SHISA6: variants seen among roughly 807,000 people sequenced by gnomAD.
The protein encoded by SHISA6 is shisa family member 6, also known as protein shisa-6.
In SHISA6, 22 loss-of-function variants were observed where a neutral mutation model predicts 47.9. The observed-to-expected ratio is 0.46, with a 90% CI of 0.33 to 0.66. The LOEUF (loss-of-function observed/expected upper bound fraction) is 0.66, where lower values mean the gene tolerates loss of function less well. Ranked by LOEUF, SHISA6 falls within the 30% of genes least tolerant of loss-of-function variation. SHISA6 has a pLI of 0.02. For missense variants in SHISA6, 680 were observed against 764.6 expected (o/e 0.89, Z 1.30); for synonymous variants, 388 against 337.8 (o/e 1.15, Z -1.63).
intron 3 of SHISA6, among the ~76,000 whole-genome samples, chr17:11,488,744 C>T (rs1451856307): frequency 1.3e-5 from 2 of 152,182 alleles, no homozygotes; most frequent in Non-Finnish European, 2.9e-5. Flanking sequence ...CAGGCAGAAG[C>T]CCCAGGGCTA....
chr17:11,433,204 T>C (rs990106318), intron 3 of SHISA6, among the ~76,000 whole-genome samples: 2 of 151,688 alleles, frequency 1.3e-5, no homozygotes, highest in Non-Finnish European at 2.9e-5. Flanking sequence ...CTACATCAAA[T>C]GGTTCTTCTA....
chr17:11,251,274 C>T (rs373424031), intron 1 of SHISA6, among the ~76,000 whole-genome samples: 11 of 152,074 alleles, frequency 7.2e-5, no homozygotes, highest in South Asian at 2.1e-4. Flanking sequence ...GGAACCAGAA[C>T]GGCGGCCCCC....
rs1306612197 is a variant in SHISA6, at chr17:11,337,454, A to G, written c.800-41960A>G. 2.0e-5 allele frequency among the ~76,000 whole-genome samples: 3 copies of G among 152,308 alleles called. No individual in the cohort carries two copies. In the East Asian group the frequency reaches 5.8e-4, roughly 29 times the overall value. On this transcript the variant is annotated intron_variant, in intron 2 of 5. Coordinates refer to ENST00000441885, the MANE Select transcript of SHISA6 (RefSeq NM_207386.4). ...GGGCAAAACTCAGAGACACTGAGGC[A>G]GAGATACCTGAGACACTTGATGTGG... is the stretch of plus-strand genomic sequence containing the variant.
intron 3 of SHISA6, among the ~76,000 whole-genome samples, chr17:11,446,823 G>A (rs754353948): frequency 5.3e-5 from 8 of 152,292 alleles, no homozygotes; most frequent in Admixed American, 4.6e-4. Context: ...ATTCTGAGCT[G>A]TGGGTTCTTT....
chr17:11,274,076 G>A (rs1454082417), intron 2 of SHISA6, among the ~76,000 whole-genome samples: 2 of 152,184 alleles, frequency 1.3e-5, no homozygotes, highest in Non-Finnish European at 2.9e-5. Context: ...GATGGGACCA[G>A]CTGTGCCCAA....
intron 3 of SHISA6, among the ~76,000 whole-genome samples, chr17:11,438,956 A>G (rs947335197): frequency 1.3e-5 from 2 of 152,112 alleles, no homozygotes; most frequent in Non-Finnish European, 2.9e-5. Flanking sequence ...GGGGAAGCAG[A>G]GCAAGGATGA....
chr17:11,545,003 C>G (rs1316175284), intron 3 of SHISA6, among the ~76,000 whole-genome samples: 2 of 148,368 alleles, frequency 1.3e-5, no homozygotes, highest in Non-Finnish European at 3.0e-5. Context: ...AACTACCATA[C>G]AACTCAGTAA....
At chr17:11,534,888 G>A (rs777814076) in intron 3 of SHISA6, among the ~76,000 whole-genome samples, 23 of 152,236 alleles carry the variant, frequency 1.5e-4, no homozygotes, top group Non-Finnish European at 2.4e-4. Context: ...CCAGCACTTT[G>A]GGAGGCCAAG....
At chr17:11,281,379 C>G (rs1909116071) in intron 2 of SHISA6, among the ~76,000 whole-genome samples, 1 of 152,116 alleles carries the variant, frequency 6.6e-6, no homozygotes, top group Non-Finnish European at 1.5e-5. Flanking sequence ...TGGATTGGGT[C>G]AAGTGCATCT....
chr17:11,307,288 C>T (rs1036670471), intron 2 of SHISA6, among the ~76,000 whole-genome samples: 1 of 152,142 alleles, frequency 6.6e-6, no homozygotes, highest in Middle Eastern at 3.4e-3. Context: ...ATAACTGTTG[C>T]TTACACAACT....
chr17:11,330,543 A>C (rs2142204125), intron 2 of SHISA6, among the ~76,000 whole-genome samples: 1 of 151,898 alleles, frequency 6.6e-6, no homozygotes, highest in South Asian at 2.1e-4. Flanking sequence ...GACAGGGAAA[A>C]GACTAAAATT....
At chr17:11,404,662 A>G (rs971161325) in intron 3 of SHISA6, among the ~76,000 whole-genome samples, 7 of 152,166 alleles carry the variant, frequency 4.6e-5, no homozygotes, top group African/African-American at 1.7e-4. Context: ...GTAAGAATGG[A>G]AGAACGCCCA....
At chr17:11,394,998 C>CTTTTTTTTTTTTTTTTTTTTTTTTT (rs772109588) in intron 3 of SHISA6, among the ~76,000 whole-genome samples, 1 of 95,102 alleles carries the variant, frequency 1.1e-5, no homozygotes, top group Non-Finnish European at 2.1e-5. Context: ...TTTTTCTTTT[C>CTTTTTTTTTTTTTTTTTTTTTTTTT]TTTTTTTTTT....
intron 3 of SHISA6, among the ~76,000 whole-genome samples, chr17:11,394,260 T>C (rs1012429741): frequency 5.3e-5 from 8 of 152,186 alleles, no homozygotes; most frequent in Non-Finnish European, 8.8e-5. Flanking sequence ...TCAAGAGACC[T>C]GAGAACTTCC....
At chr17:11,457,041 G>A (rs1357809458) in intron 3 of SHISA6, among the ~76,000 whole-genome samples, 1 of 152,088 alleles carries the variant, frequency 6.6e-6, no homozygotes, top group Admixed American at 6.5e-5. Context: ...CTTGATATTG[G>A]GAGATTCTTA....
Position 11,302,880 on chromosome 17 carries a change from C to T in SHISA6, c.799+39354C>T, listed in dbSNP as rs143588492. On this transcript the variant is annotated intron_variant, in intron 2 of 5. Coordinates refer to ENST00000441885, the MANE Select transcript of SHISA6 (RefSeq NM_207386.4). The stretch of plus-strand genomic sequence containing the variant: ...GTCATCCAGGTGGAGAGGAGGGGGG[C>T]GTTTGAAATGAGAGGTTTCTAGATG... Among the ~76,000 whole-genome samples, 187 of 151,308 alleles carry T rather than the reference C, an allele frequency of 1.2e-3. 1 individual carries two copies. Among genetic ancestry groups the T allele is most frequent in the African/African-American group, 4.3e-3 (178 of 41,118 alleles).
chr17:11,555,176 G>A (rs1008011477), intron 4 of SHISA6, among the ~76,000 whole-genome samples: 16 of 152,104 alleles, frequency 1.1e-4, no homozygotes, highest in African/African-American at 3.9e-4. Context: ...GGCTTGTCAG[G>A]TGCAGAGCTT....
intron 3 of SHISA6, among the ~76,000 whole-genome samples, chr17:11,547,762 T>C (rs2071895321): frequency 6.6e-6 from 1 of 152,186 alleles, no homozygotes; most frequent in East Asian, 1.9e-4. Flanking sequence ...TAAGAGGTAA[T>C]TCTGTGAAAG....
At chr17:11,392,613 C>T (rs1276540329) in intron 3 of SHISA6, among the ~76,000 whole-genome samples, 1 of 152,174 alleles carries the variant, frequency 6.6e-6, no homozygotes, top group African/African-American at 2.4e-5. Context: ...ATATAGCTGC[C>T]CAGTCCTGGA....
Sources: allele counts gnomAD v4.1 joint callset (sites outside exome capture counted in the v4.1 genomes callset), GRCh38; gene constraint gnomAD v4.1.1; transcripts MANE v1.5; gene names NCBI Gene and HGNC (gene_info 2026-07-23, HGNC 2026-07-21).